The following SVIL variants were observed in gnomAD, a reference collection of about 807,000 sequenced individuals.
The protein encoded by SVIL is archvillin.
Under a neutral mutation model 240.4 loss-of-function variants are expected in SVIL, and 101 were observed. The ratio of observed to expected loss-of-function variants is 0.42; its 90% CI spans 0.36 to 0.50. SVIL has a LOEUF of 0.50. Ranked by LOEUF, SVIL falls within the 20% of genes least tolerant of loss-of-function variation. The pLI, the probability that SVIL is intolerant of heterozygous loss-of-function variation, is 0.01. For synonymous variants in SVIL, 999 were observed against 1,100.0 expected, an observed-to-expected ratio of 0.91 and a Z score of 1.82; for missense variants, 2,512 against 2,818.7, an observed-to-expected ratio of 0.89 and a Z score of 2.46.
At chr10:29,577,512 C>A (rs1955754376) in intron 1 of SVIL, among the ~76,000 whole-genome samples, 1 of 152,168 alleles carries the variant, frequency 6.6e-6, no homozygotes, top group Non-Finnish European at 1.5e-5. Flanking sequence ...CAGACATTAT[C>A]TCATTCTTTT....
chr10:29,543,404 T>G (rs1952342771), intron 6 of SVIL, among the ~76,000 whole-genome samples: 1 of 152,192 alleles, frequency 6.6e-6, no homozygotes, highest in African/African-American at 2.4e-5. Flanking sequence ...CAACTCACTT[T>G]CATTAATGTC....
intron 2 of SVIL, among the ~76,000 whole-genome samples, chr10:29,661,995 A>G (rs1959168336): frequency 6.6e-6 from 1 of 152,086 alleles, no homozygotes; most frequent in Non-Finnish European, 1.5e-5. Context: ...CTACCAAACT[A>G]CTAGAGTAGC....
At chr10:29,578,453 C>A (rs1322351700) in intron 1 of SVIL, among the ~76,000 whole-genome samples, 1 of 152,184 alleles carries the variant, frequency 6.6e-6, no homozygotes, top group African/African-American at 2.4e-5. Flanking sequence ...GATGCATTTT[C>A]TTGGCTGTAA....
chr10:29,671,685 C>T (rs1959787759), intron 2 of SVIL, among the ~76,000 whole-genome samples: 1 of 152,194 alleles, frequency 6.6e-6, no homozygotes, highest in East Asian at 1.9e-4. Context: ...GTCATCCATT[C>T]AGATATTTAC....
At chr10:29,628,968 A>G (rs961363035) in intron 1 of SVIL, among the ~76,000 whole-genome samples, 1 of 152,114 alleles carries the variant, frequency 6.6e-6, no homozygotes, top group Non-Finnish European at 1.5e-5. Context: ...TGGGATTCTC[A>G]CGGAGAGGGG....
At position 29,458,379 on chromosome 10, in the gene SVIL, G is replaced by A. The variant is rs549909221; in HGVS notation, c.6559-46C>T. 9.0e-4 allele frequency: 1,452 copies of A among 1,607,894 alleles called. 11 individuals carry two copies. In the Middle Eastern group the frequency reaches 0.011, roughly 12 times the overall value. The stretch of plus-strand genomic sequence containing the variant: ...GCCCCGCGGCTCAGTGAAAGGAGCC[G>A]GGCGTGCGTGTGTTGTTTTACTCCC... On this transcript the variant is annotated intron_variant, in intron 37 of 37. Coordinates refer to ENST00000355867, the MANE Select transcript of SVIL (RefSeq NM_021738.3).
At chr10:29,624,180 A>AAAG (rs1234152209) in intron 1 of SVIL, among the ~76,000 whole-genome samples, 24 of 151,608 alleles carry the variant, frequency 1.6e-4, no homozygotes, top group African/African-American at 5.3e-4. Flanking sequence ...AAAAAAAAAA[A>AAAG]AACCCCTAGC....
chr10:29,505,878 G>C (rs1329960651), intron 17 of SVIL, among the ~76,000 whole-genome samples: 5 of 152,122 alleles, frequency 3.3e-5, no homozygotes. Context: ...CAGCGTCTAT[G>C]GGGGACTGGT....
At chr10:29,602,432 A>C (rs781155056) in intron 1 of SVIL, 60 of 382,956 alleles carry the variant, frequency 1.6e-4, no homozygotes, top group Non-Finnish European at 3.0e-4. Flanking sequence ...CCAAAGGCTC[A>C]GAGGTATTAC....
At chr10:29,606,959 T>C in intron 1 of SVIL, among the ~76,000 whole-genome samples, 1 of 152,212 alleles carries the variant, frequency 6.6e-6, no homozygotes, top group East Asian at 1.9e-4. Flanking sequence ...TTCACCACGC[T>C]GGCCAGGCTG....
chr10:29,736,045 G>C (rs914708192), upstream of SVIL, among the ~76,000 whole-genome samples: 6 of 152,156 alleles, frequency 3.9e-5, no homozygotes, highest in African/African-American at 1.4e-4. Flanking sequence ...ACAGAGGGGG[G>C]CCAAGCACAA....
rs373339084 is a variant in SVIL, at chr10:29,554,746, G to T, written c.160+37C>A. On this transcript the variant is annotated intron_variant, in intron 5 of 37. Coordinates refer to ENST00000355867, the MANE Select transcript of SVIL (RefSeq NM_021738.3). ...AGGGCAACTCGTAACCAGCCAGGCA[G>T]CCTGCTGGAAAATGGGCCACCCAGC... 8 of 1,496,026 alleles carry T rather than the reference G, an allele frequency of 5.3e-6. No individual in the cohort carries two copies. The African/African-American group carries it at 9.8e-5, about 18-fold the overall frequency. The allele number at this position is 1,496,026 out of a possible 1,614,324, so 92.7% of individuals were successfully genotyped here. A position where few individuals can be genotyped will look rare whatever the true frequency, so the allele number is the denominator to read the frequency against.
chr10:29,652,060 C>T (rs1958856493), intron 3 of SVIL, among the ~76,000 whole-genome samples: 1 of 151,994 alleles, frequency 6.6e-6, no homozygotes, highest in African/African-American at 2.4e-5. Flanking sequence ...ATATAAAATT[C>T]ACATACCATA....
chr10:29,602,787 A>T (rs996784943), intron 1 of SVIL, among the ~76,000 whole-genome samples: 2 of 152,300 alleles, frequency 1.3e-5, no homozygotes, highest in African/African-American at 2.4e-5. Context: ...GGAGTTTGAG[A>T]CCAGCCTGGT....
chr10:29,699,393 C>T (rs1962331413), intron 1 of SVIL, among the ~76,000 whole-genome samples: 1 of 152,136 alleles, frequency 6.6e-6, no homozygotes, highest in Admixed American at 6.5e-5. Flanking sequence ...CCTCTGCCTC[C>T]CTGGGTTCAA....
chr10:29,584,388 G>A (rs1291970818), intron 1 of SVIL, among the ~76,000 whole-genome samples: 1 of 152,204 alleles, frequency 6.6e-6, no homozygotes, highest in Admixed American at 6.5e-5. Context: ...CCTTATCTAT[G>A]AGGAACATCT....
intron 17 of SVIL, among the ~76,000 whole-genome samples, chr10:29,509,360 A>AGAGAGAGAGAGAGAGGG (rs1949649764): frequency 7.6e-6 from 1 of 131,862 alleles, no homozygotes; most frequent in African/African-American, 3.0e-5. Context: ...AGAGAGAGAG[A>AGAGAGAGAGAGAGAGGG]GAGAGAGAGA....
At chr10:29,687,889 A>T (rs923174562) in intron 1 of SVIL, among the ~76,000 whole-genome samples, 10 of 116,124 alleles carry the variant, frequency 8.6e-5, no homozygotes, top group African/African-American at 2.8e-4. Context: ...CTTTTGCCTC[A>T]GTCACTAATT....
At chr10:29,593,469 C>T (rs952437575) in intron 1 of SVIL, among the ~76,000 whole-genome samples, 2 of 152,158 alleles carry the variant, frequency 1.3e-5, no homozygotes, top group African/African-American at 4.8e-5. Context: ...CACACATGGG[C>T]CCCCCAGTTG....
Sources: gnomAD v4.1 joint callset for allele counts (sites outside exome capture counted in the v4.1 genomes callset) on GRCh38, gnomAD v4.1.1 for gene constraint, MANE v1.5 for transcripts, NCBI Gene and HGNC (gene_info 2026-07-23, HGNC 2026-07-21) for gene names.